The following TECRL variants were observed in gnomAD, a reference collection of about 807,000 sequenced individuals.
TECRL encodes trans-2,3-enoyl-CoA reductase-like.
Under a neutral mutation model 52.8 loss-of-function variants are expected in TECRL, and 63 were observed. The ratio of observed to expected loss-of-function variants is 1.19; its 90% CI spans 0.97 to 1.47. TECRL has a LOEUF of 1.47. TECRL is among the 40% of genes most tolerant of loss of function. The probability of loss-of-function intolerance (pLI) is 0.00; values close to 1 mark genes in which losing one functional copy is unlikely to be tolerated. For synonymous variants in TECRL, 164 were observed against 141.9 expected, an observed-to-expected ratio of 1.16 and a Z score of -1.10; for missense variants, 482 against 429.6, an observed-to-expected ratio of 1.12 and a Z score of -1.08.
At chr4:64,320,862 T>C (rs1270722313) in intron 4 of TECRL, among the ~76,000 whole-genome samples, 1 of 152,136 alleles carries the variant, frequency 6.6e-6, no homozygotes, top group Non-Finnish European at 1.5e-5. Flanking sequence ...GTCTATAGGT[T>C]GTTTTCTAAA....
In TECRL at chr4:64,409,233, AC is replaced by A; in HGVS notation, c.118del (p.Val40TyrfsTer7). On this transcript the variant is annotated frameshift_variant, in exon 1 of 12. Transcript: ENST00000381210. LOFTEE classifies it high-confidence loss of function. ...TGGTCTTAGAGGGCCCGCTGAGAGT[AC>A]AAGTTTTGACAAAAAGTGAAAATTT... The part of the protein sequence containing the change: ...MRNFHFLSKL[V>X]LSAGPLRPTP... 1 of 1,613,612 alleles carries A rather than the reference AC, an allele frequency of 6.2e-7. No individual in the cohort carries two copies. Among genetic ancestry groups the A allele is most frequent in the Non-Finnish European group, 8.5e-7 (1 of 1,179,656 alleles).
At position 64,282,983 on chromosome 4, in the gene TECRL, G is replaced by A. The variant is rs144776094; in HGVS notation, c.833-1424C>T. Among the ~76,000 whole-genome samples, 171 of 151,848 alleles carry A rather than the reference G, an allele frequency of 1.1e-3. 1 individual carries two copies. Among genetic ancestry groups the A allele is most frequent in the African/African-American group, 3.9e-3 (161 of 41,488 alleles). ...ACCAGATTCTTCTTTAGGCATATAA[G>A]GTTTATTCTATTTCTTCAGGGAGTG... is the stretch of plus-strand genomic sequence containing the variant. On this transcript the variant is annotated intron_variant, in intron 9 of 11. Coordinates refer to ENST00000381210, the MANE Select transcript of TECRL (RefSeq NM_001010874.5).
intron 1 of TECRL, among the ~76,000 whole-genome samples, chr4:64,403,475 G>GCGCACACA (rs59253067): frequency 0.5 from 74,214 of 148,140 alleles, 21,396 homozygotes; most frequent in Non-Finnish European, 0.65. Flanking sequence ...CTCCCTGAGC[G>GCGCACACA]CACACACACA....
At chr4:64,328,132 G>T (rs1490660820) in intron 3 of TECRL, among the ~76,000 whole-genome samples, 2 of 151,846 alleles carry the variant, frequency 1.3e-5, no homozygotes, top group African/African-American at 4.8e-5. Context: ...TGTTCCTTAT[G>T]TCACTTATTC....
At chr4:64,369,860 CAAAGT>C (rs1232358233) in intron 2 of TECRL, among the ~76,000 whole-genome samples, 4 of 151,622 alleles carry the variant, frequency 2.6e-5, no homozygotes, top group African/African-American at 9.7e-5. Flanking sequence ...AATGTTAATG[CAAAGT>C]AGAGTAGGAC....
intron 2 of TECRL, among the ~76,000 whole-genome samples, chr4:64,356,084 T>C (rs1373127706): frequency 6.6e-6 from 1 of 152,158 alleles, no homozygotes; most frequent in Non-Finnish European, 1.5e-5. Flanking sequence ...AGGATGTGCC[T>C]TGTTAACAAA....
chr4:64,284,013 C>T (rs535952459), intron 9 of TECRL, among the ~76,000 whole-genome samples: 15 of 152,030 alleles, frequency 9.9e-5, no homozygotes, highest in African/African-American at 3.1e-4. Context: ...AAAGATAATG[C>T]CCCAAAGGAG....
At chr4:64,340,293 A>G (rs1350866724) in intron 2 of TECRL, among the ~76,000 whole-genome samples, 3 of 152,176 alleles carry the variant, frequency 2.0e-5, no homozygotes, top group Non-Finnish European at 2.9e-5. Context: ...AGGCATGACA[A>G]TCACCCCACC....
At chr4:64,280,283 C>T in intron 11 of TECRL, 84 bp from the exon 12 acceptor site, 1 of 1,090,152 alleles carries the variant, frequency 9.2e-7, no homozygotes, top group Non-Finnish European at 1.2e-6. Context: ...GCATGTTTAG[C>T]TTTTAAGATG....
chr4:64,355,376 T>G (rs1560524175), intron 2 of TECRL, among the ~76,000 whole-genome samples: 2 of 150,982 alleles, frequency 1.3e-5, no homozygotes, highest in Non-Finnish European at 2.9e-5. Context: ...ATTTTCTACC[T>G]AAAATATTTT....
intron 9 of TECRL, among the ~76,000 whole-genome samples, chr4:64,282,026 T>C (rs1253753804): frequency 6.6e-6 from 1 of 151,928 alleles, no homozygotes. Context: ...ATAAGGAATT[T>C]TATAAAGATG....
chr4:64,330,861 A>G (rs1346489736), intron 2 of TECRL, among the ~76,000 whole-genome samples: 2 of 152,146 alleles, frequency 1.3e-5, no homozygotes, highest in African/African-American at 4.8e-5. Flanking sequence ...TATTCTAAAC[A>G]AATACCACAT....
At chr4:64,318,104 T>C (rs943487215) in intron 4 of TECRL, among the ~76,000 whole-genome samples, 5 of 152,262 alleles carry the variant, frequency 3.3e-5, no homozygotes, top group Admixed American at 3.3e-4. Flanking sequence ...TGAAAGAAGA[T>C]AAAAATCACC....
intron 1 of TECRL, among the ~76,000 whole-genome samples, chr4:64,393,043 G>A (rs1045407441): frequency 6.6e-6 from 1 of 151,914 alleles, no homozygotes; most frequent in Non-Finnish European, 1.5e-5. Context: ...TATCATTTGT[G>A]CTTGACTAAC....
intron 1 of TECRL, among the ~76,000 whole-genome samples, chr4:64,393,206 G>A (rs888890238): frequency 1.1e-4 from 17 of 151,930 alleles, no homozygotes; most frequent in Admixed American, 7.2e-4. Flanking sequence ...AAAGTAGAGG[G>A]GGGAAAATAT....
chr4:64,304,887 T>C (rs905488649), intron 7 of TECRL: 4 of 223,432 alleles, frequency 1.8e-5, no homozygotes, highest in African/African-American at 9.1e-5. Context: ...TATACAATAA[T>C]TTTATCTTTA....
intron 2 of TECRL, among the ~76,000 whole-genome samples, chr4:64,349,881 A>G (rs1020146060): frequency 6.6e-6 from 1 of 152,228 alleles, no homozygotes; most frequent in African/African-American, 2.4e-5. Context: ...GTGGTTGAAA[A>G]CAAAAAGACT....
intron 2 of TECRL, among the ~76,000 whole-genome samples, chr4:64,330,076 A>G (rs282242): frequency 0.96 from 145,565 of 151,878 alleles, 70,030 homozygotes; most frequent in East Asian, 1. Context: ...TCAGAGAAAC[A>G]TCTATCATGG....
chr4:64,319,833 A>C, intron 4 of TECRL, among the ~76,000 whole-genome samples: 1 of 152,064 alleles, frequency 6.6e-6, no homozygotes, highest in Admixed American at 6.5e-5. Flanking sequence ...ATGCTTACAG[A>C]AAAATTAACA....
Sources: gnomAD v4.1 joint callset for allele counts (sites outside exome capture counted in the v4.1 genomes callset) on GRCh38, gnomAD v4.1.1 for gene constraint, MANE v1.5 for transcripts, NCBI Gene and HGNC (gene_info 2026-07-23, HGNC 2026-07-21) for gene names.